USP54: variants seen among roughly 807,000 people sequenced by gnomAD.
The protein encoded by USP54 is ubiquitin specific peptidase 54.
In USP54, 87 loss-of-function variants were observed where a neutral mutation model predicts 170.5. The observed-to-expected ratio is 0.51, with a 90% CI of 0.43 to 0.61. USP54 has a LOEUF of 0.61. Ranked by LOEUF, USP54 falls within the 20% of genes least tolerant of loss-of-function variation. USP54 has a pLI of 0.00. For synonymous variants in USP54, 655 were observed against 742.8 expected, an observed-to-expected ratio of 0.88 and a Z score of 1.92; for missense variants, 1,786 against 2,047.8, an observed-to-expected ratio of 0.87 and a Z score of 2.47.
chr10:73,564,431 A>G (rs1257939701), intron 4 of USP54, among the ~76,000 whole-genome samples: 1 of 152,206 alleles, frequency 6.6e-6, no homozygotes, highest in Non-Finnish European at 1.5e-5. Context: ...TTAGATTCAC[A>G]GGGCAAGTAG....
intron 4 of USP54, among the ~76,000 whole-genome samples, chr10:73,551,360 C>T (rs1483510246): frequency 6.6e-6 from 1 of 152,134 alleles, no homozygotes; most frequent in Non-Finnish European, 1.5e-5. Flanking sequence ...TACACAAGTC[C>T]ACTATAAGGT....
Position 73,521,038 on chromosome 10 carries a change from C to G in USP54, c.2363-11G>C, listed in dbSNP as rs1181733188. On this transcript the variant is annotated splice_polypyrimidine_tract_variant and intron_variant, in intron 17 of 23. Coordinates refer to ENST00000687698, the MANE Select transcript of USP54 (RefSeq NM_001391956.1). ...AGCCGTCACTCCTCCCTGAAAGGGC[C>G]AGCACTTTTCATTTTCATTACAATT... 3 of 1,613,290 alleles carry G rather than the reference C, an allele frequency of 1.9e-6. No homozygotes were observed. The highest frequency in any genetic ancestry group is 2.5e-6 in the Non-Finnish European group (3 of 1,180,014).
At chr10:73,508,056 G>T (rs1270062698) in intron 20 of USP54, among the ~76,000 whole-genome samples, 1 of 152,166 alleles carries the variant, frequency 6.6e-6, no homozygotes. Context: ...CAAGCCAAAT[G>T]TGACTCCTGG....
chr10:73,587,029 G>A (rs1261853458), intron 1 of USP54, among the ~76,000 whole-genome samples: 1 of 152,122 alleles, frequency 6.6e-6, no homozygotes, highest in Non-Finnish European at 1.5e-5. Context: ...AAAAAGGCAC[G>A]TTTCACTTTG....
chr10:73,586,311 A>C (rs1219152912), intron 1 of USP54, among the ~76,000 whole-genome samples: 39 of 152,112 alleles, frequency 2.6e-4, no homozygotes, highest in Non-Finnish European at 2.9e-5. Flanking sequence ...GAAAATCTTA[A>C]CTATCCTACA....
At chr10:73,543,153 C>T in intron 5 of USP54, 22 bp from the exon 6 acceptor site, 1 of 1,521,148 alleles carries the variant, frequency 6.6e-7, no homozygotes. Context: ...AGAACAAAAG[C>T]AGTATACCAA....
intron 16 of USP54, among the ~76,000 whole-genome samples, chr10:73,524,459 T>C (rs1292831673): frequency 3.3e-5 from 5 of 151,780 alleles, no homozygotes; most frequent in East Asian, 3.9e-4. Context: ...AGGCGCCTGT[T>C]ATCCCAGCTA....
chr10:73,524,562 A>G (rs569039485), intron 16 of USP54, among the ~76,000 whole-genome samples: 12 of 152,214 alleles, frequency 7.9e-5, no homozygotes, highest in Non-Finnish European at 1.3e-4. Flanking sequence ...CCTGGGAGAC[A>G]AGAGCAAGAC....
chr10:73,534,978 C>T (rs2064927171), intron 11 of USP54, among the ~76,000 whole-genome samples: 1 of 152,180 alleles, frequency 6.6e-6, no homozygotes, highest in Admixed American at 6.5e-5. Flanking sequence ...CCATCCCTTT[C>T]CCTACCCTGC....
upstream of USP54, among the ~76,000 whole-genome samples, chr10:73,594,974 G>A (rs1417196744): frequency 1.3e-5 from 2 of 151,854 alleles, no homozygotes; most frequent in Middle Eastern, 3.2e-3. Flanking sequence ...CACCCAGGCT[G>A]GAGTATAGTG....
At chr10:73,526,876 C>A in intron 15 of USP54, 96 bp from the exon 16 acceptor site, 1 of 1,358,468 alleles carries the variant, frequency 7.4e-7, no homozygotes, top group Non-Finnish European at 1.0e-6. Flanking sequence ...AAAAATCAAA[C>A]TACACAATTA....
intron 1 of USP54, among the ~76,000 whole-genome samples, chr10:73,578,473 G>A (rs927637354): frequency 3.3e-5 from 5 of 152,076 alleles, no homozygotes; most frequent in African/African-American, 4.8e-5. Flanking sequence ...GTGCAGTCGC[G>A]CAATATTGGC....
At chr10:73,537,098 A>T (rs1257991901) in intron 10 of USP54, among the ~76,000 whole-genome samples, 2 of 152,240 alleles carry the variant, frequency 1.3e-5, no homozygotes, top group Non-Finnish European at 2.9e-5. Flanking sequence ...AGCTTGAACC[A>T]GTCACATTTC....
chr10:73,602,706 A>T (rs1397127965), intron 1 of USP54, among the ~76,000 whole-genome samples: 3 of 151,662 alleles, frequency 2.0e-5, no homozygotes, highest in Non-Finnish European at 4.4e-5. Flanking sequence ...AAATACAAAA[A>T]TTAGCCAGGC....
chr10:73,504,600 C>A, intron 22 of USP54: 1 of 529,352 alleles, frequency 1.9e-6, no homozygotes, highest in Non-Finnish European at 3.4e-6. Context: ...GGCTTTATGA[C>A]TCTTCTCACC....
intron 1 of USP54, among the ~76,000 whole-genome samples, chr10:73,579,798 T>C (rs1378052308): frequency 6.6e-6 from 1 of 151,944 alleles, no homozygotes; most frequent in Admixed American, 6.6e-5. Context: ...ACTACCCAAT[T>C]TTGTTTAATG....
intron 5 of USP54, among the ~76,000 whole-genome samples, chr10:73,545,196 A>C (rs946381854): frequency 6.6e-6 from 1 of 152,076 alleles, no homozygotes; most frequent in Non-Finnish European, 1.5e-5. Flanking sequence ...TATTAGCATC[A>C]CTTAGGAACC....
chr10:73,583,151 A>C (rs1183967940), intron 1 of USP54, among the ~76,000 whole-genome samples: 1 of 152,234 alleles, frequency 6.6e-6, no homozygotes, highest in African/African-American at 2.4e-5. Context: ...AGAAAGACTA[A>C]GAAACTTTTA....
At chr10:73,572,287 C>T (rs1443891443) in intron 3 of USP54, among the ~76,000 whole-genome samples, 4 of 152,110 alleles carry the variant, frequency 2.6e-5, no homozygotes, top group Non-Finnish European at 5.9e-5. Flanking sequence ...CCTAAGAAGA[C>T]ATGACAAGTA....
Sources: gnomAD v4.1 joint callset for allele counts (sites outside exome capture counted in the v4.1 genomes callset) on GRCh38, gnomAD v4.1.1 for gene constraint, MANE v1.5 for transcripts, NCBI Gene and HGNC (gene_info 2026-07-23, HGNC 2026-07-21) for gene names.